CLASP2: variants seen among roughly 807,000 people sequenced by gnomAD.
CLASP2 encodes the protein CLIP-associating protein 2.
In CLASP2, 47 loss-of-function variants were observed where a neutral mutation model predicts 194.4. That is an observed-to-expected ratio of 0.24 (90% CI 0.19 to 0.31). The LOEUF (loss-of-function observed/expected upper bound fraction) is 0.31, where lower values mean the gene tolerates loss of function less well. CLASP2 is among the 10% of genes least tolerant of loss of function. The pLI is 1.00. For synonymous variants in CLASP2, 619 were observed against 633.5 expected (o/e 0.98, Z 0.34); for missense variants, 1,445 against 1,823.6 (o/e 0.79, Z 3.78).
intron 6 of CLASP2, among the ~76,000 whole-genome samples, chr3:33,670,105 C>T (rs1002700433): frequency 6.6e-5 from 10 of 152,044 alleles, no homozygotes; most frequent in South Asian, 2.1e-4. Flanking sequence ...TACATATACA[C>T]GCACACATAT....
At chr3:33,563,758 A>C (rs1016998603) in intron 27 of CLASP2, among the ~76,000 whole-genome samples, 1 of 152,208 alleles carries the variant, frequency 6.6e-6, no homozygotes, top group Non-Finnish European at 1.5e-5. Context: ...TCAGATTGTG[A>C]TATGACTCTT....
intron 6 of CLASP2, among the ~76,000 whole-genome samples, chr3:33,673,618 A>G (rs1421653902): frequency 4.3e-4 from 65 of 152,140 alleles, no homozygotes; most frequent in Non-Finnish European, 4.4e-5. Context: ...TAAATGGACT[A>G]AATGCTCCAA....
intron 34 of CLASP2, among the ~76,000 whole-genome samples, chr3:33,527,628 C>T (rs1324818453): frequency 6.6e-6 from 1 of 152,158 alleles, no homozygotes; most frequent in Non-Finnish European, 1.5e-5. Context: ...AGGCCAGCAT[C>T]ACAGAATGAT....
chr3:33,699,835 A>G (rs943614640), intron 1 of CLASP2, among the ~76,000 whole-genome samples: 1 of 151,720 alleles, frequency 6.6e-6, no homozygotes, highest in African/African-American at 2.4e-5. Context: ...CAGGTAAGTG[A>G]AACCGTAGAA....
At chr3:33,655,836 T>C (rs1337250135) in intron 7 of CLASP2, among the ~76,000 whole-genome samples, 2 of 152,158 alleles carry the variant, frequency 1.3e-5, no homozygotes, top group African/African-American at 4.8e-5. Context: ...ATCACTTTTA[T>C]ATATATTTTT....
chr3:33,500,657 G>C (rs995121015), intron 38 of CLASP2, among the ~76,000 whole-genome samples: 1 of 151,900 alleles, frequency 6.6e-6, no homozygotes, highest in African/African-American at 2.4e-5. Context: ...TTTATAACCC[G>C]AGTTAAGAAT....
chr3:33,534,145 T>C (rs553931305), intron 34 of CLASP2, among the ~76,000 whole-genome samples: 2 of 152,284 alleles, frequency 1.3e-5, no homozygotes, highest in South Asian at 4.1e-4. Flanking sequence ...AATCATGGGA[T>C]AGTGTTGAGA....
At chr3:33,616,807 G>A (rs1303980218) in intron 12 of CLASP2, among the ~76,000 whole-genome samples, 1 of 139,104 alleles carries the variant, frequency 7.2e-6, no homozygotes, top group Non-Finnish European at 1.5e-5. Flanking sequence ...GCGTAATCTC[G>A]GCTCACTGCA....
chr3:33,668,979 T>C (rs992145081), intron 6 of CLASP2, among the ~76,000 whole-genome samples: 1 of 152,194 alleles, frequency 6.6e-6, no homozygotes, highest in African/African-American at 2.4e-5. Context: ...GCTACCTGCA[T>C]ATGATAAAAC....
chr3:33,641,761 T>A (rs573016964), intron 8 of CLASP2, among the ~76,000 whole-genome samples: 47 of 149,910 alleles, frequency 3.1e-4, no homozygotes, highest in African/African-American at 1.1e-3. Flanking sequence ...TATTTTTTTT[T>A]TTTTATTTTG....
At chr3:33,566,441 T>A (rs1020170035) in intron 27 of CLASP2, among the ~76,000 whole-genome samples, 1 of 152,214 alleles carries the variant, frequency 6.6e-6, no homozygotes, top group African/African-American at 2.4e-5. Context: ...TGGAAAAGAA[T>A]TAAAATATTC....
intron 12 of CLASP2, among the ~76,000 whole-genome samples, chr3:33,612,296 C>CA (rs2075331612): frequency 6.6e-6 from 1 of 152,058 alleles, no homozygotes; most frequent in African/African-American, 2.4e-5. Flanking sequence ...TATGATCTAA[C>CA]AAAGAAAAGT....
intron 1 of CLASP2, among the ~76,000 whole-genome samples, chr3:33,702,770 A>T (rs890254461): frequency 6.6e-6 from 1 of 152,184 alleles, no homozygotes; most frequent in African/African-American, 2.4e-5. Flanking sequence ...CCCATTTTTT[A>T]AAATGAGCAA....
intron 8 of CLASP2, among the ~76,000 whole-genome samples, chr3:33,637,919 C>CTTTATGTACAGAAATAATGTACATA (rs1170939460): frequency 2.3e-4 from 35 of 152,268 alleles, no homozygotes; most frequent in East Asian, 1.5e-3. Flanking sequence ...TAAAGATCTG[C>CTTTATGTACAGAAATAATGTACATA]ATTTTCTGTA....
At chr3:33,507,073 C>A (rs918393644) in intron 37 of CLASP2, among the ~76,000 whole-genome samples, 4 of 151,402 alleles carry the variant, frequency 2.6e-5, no homozygotes, top group Non-Finnish European at 4.4e-5. Context: ...CGAGTAGCTG[C>A]GATTACAGAG....
intron 20 of CLASP2, chr3:33,592,745 T>C (rs964533050): frequency 2.0e-6 from 1 of 507,154 alleles, no homozygotes; most frequent in African/African-American, 1.9e-5. Flanking sequence ...GTTTATATAT[T>C]AGTCCAGCAG....
intron 23 of CLASP2, among the ~76,000 whole-genome samples, chr3:33,580,270 A>G (rs929859387): frequency 6.6e-6 from 1 of 152,176 alleles, no homozygotes; most frequent in African/African-American, 2.4e-5. Context: ...ATTAACCACT[A>G]GAAATTCTTG....
intron 11 of CLASP2, among the ~76,000 whole-genome samples, chr3:33,621,060 C>T (rs1044229910): frequency 4.7e-5 from 7 of 148,688 alleles, no homozygotes; most frequent in Admixed American, 4.0e-4. Flanking sequence ...CTCTTCTCTC[C>T]AGTATTCTGC....
At position 33,702,528 on chromosome 3, in the gene CLASP2, A is replaced by T. The variant is rs1254102345; in HGVS notation, c.196-5595T>A. ...GTTATTAGAAGAAAACATAGGGTAA[A>T]TCATTGTGACCTTGGCCATGGTTTC... On this transcript the variant is annotated intron_variant, in intron 1 of 38. Coordinates refer to ENST00000682230, the MANE Select transcript of CLASP2 (RefSeq NM_001365631.1). 2.0e-5 allele frequency among the ~76,000 whole-genome samples: 3 copies of T among 152,178 alleles called. No homozygotes were observed. The South Asian group carries it at 6.2e-4, about 32-fold the overall frequency.
Sources: gnomAD v4.1 joint callset for allele counts (sites outside exome capture counted in the v4.1 genomes callset) on GRCh38, gnomAD v4.1.1 for gene constraint, MANE v1.5 for transcripts, NCBI Gene and HGNC (gene_info 2026-07-23, HGNC 2026-07-21) for gene names.